Variants in IPPK observed in about 807,000 individuals in gnomAD.
IPPK encodes inositol-pentakisphosphate 2-kinase.
A neutral mutation model predicts 64.6 loss-of-function variants in IPPK; 22 were observed. The ratio of observed to expected loss-of-function variants is 0.34; its 90% confidence interval spans 0.24 to 0.49. IPPK has a LOEUF of 0.49. Ranked by LOEUF, IPPK falls within the 20% of genes least tolerant of loss-of-function variation. IPPK has a pLI of 0.99. For missense variants in IPPK, 532 were observed against 630.7 expected (o/e 0.84, Z 1.68); for synonymous variants, 262 against 247.2 (o/e 1.06, Z -0.56).
rs1365812910 is a variant in IPPK, at chr9:92,633,845, C to T, written c.1170+541G>A. 3.3e-5 allele frequency among the ~76,000 whole-genome samples: 5 copies of T among 152,208 alleles called. No individual in the cohort carries two copies. In the South Asian group the frequency reaches 8.3e-4, roughly 25 times the overall value. ...GGAAAGAAATGCTAAATTCCAGGTA[C>T]AGCTTAGTGAAAATGAAGATGCCAT... is the stretch of plus-strand genomic sequence containing the variant. On this transcript the variant is annotated intron_variant, in intron 11 of 12. Coordinates refer to ENST00000287996, the MANE Select transcript of IPPK (RefSeq NM_022755.6).
At chr9:92,637,853 G>A (rs1851970598) in intron 9 of IPPK, 148 bp downstream of exon 9, 2 of 751,738 alleles carry the variant, frequency 2.7e-6, no homozygotes, top group Non-Finnish European at 4.1e-6. Flanking sequence ...GAGGCAGCGA[G>A]GCCCCGTGCT....
rs1851928136 is a variant in IPPK at position 92,635,641 on chromosome 9, AAG to A, written c.917-335_917-334del. ...TTAGATTCCACCACAACAGCCCTGGAAGTCACTTTATGATCTAAGTTTAGACA... is the reference window on the plus strand; with the variant it reads ...TTAGATTCCACCACAACAGCCCTGGATCACTTTATGATCTAAGTTTAGACA... On this transcript the variant is annotated intron_variant, in intron 9 of 12. Transcript: ENST00000287996. This position sits in a 1 kb window ranked among gnomAD's most constrained non-coding sequence, Gnocchi z 4.4. Among the ~76,000 whole-genome samples the A allele has an allele frequency of 6.6e-6, 1 of 152,170 alleles. No homozygotes were observed. Among genetic ancestry groups the A allele is most frequent in the African/African-American group, 2.4e-5 (1 of 41,442 alleles).
At position 92,614,501 on chromosome 9, in the gene IPPK, TGA is replaced by T. The variant is rs945022811; in HGVS notation, c.*1329_*1330del. 3 of 152,644 alleles carry T rather than the reference TGA, an allele frequency of 2.0e-5. No homozygotes were observed. Among genetic ancestry groups the T allele is most frequent in the African/African-American group, 7.2e-5 (3 of 41,454 alleles). The allele number at this position is 152,644 out of a possible 1,614,324, so 9.5% of individuals were successfully genotyped here. ...TTAGATAAGTATCTTTTTGCACCTC[TGA>T]GAGTAGAATTAGAAGTAAATATGAC... is the stretch of plus-strand genomic sequence containing the variant. On this transcript the variant is annotated 3_prime_UTR_variant, in exon 13 of 13. Coordinates refer to ENST00000287996, the MANE Select transcript of IPPK (RefSeq NM_022755.6).
At chr9:92,636,239 C>G (rs190430018) in intron 9 of IPPK, among the ~76,000 whole-genome samples, 1 of 152,176 alleles carries the variant, frequency 6.6e-6, no homozygotes, top group Non-Finnish European at 1.5e-5. Context: ...GGACCCGGCA[C>G]GAAAATGCCA....
intron 1 of IPPK, among the ~76,000 whole-genome samples, chr9:92,666,895 A>G (rs940979349): frequency 3.3e-5 from 5 of 151,870 alleles, no homozygotes; most frequent in Admixed American, 1.3e-4. Context: ...CTCATTTCCT[A>G]CAAGTCCTGC....
intron 5 of IPPK, among the ~76,000 whole-genome samples, 196 bp downstream of exon 5, chr9:92,649,257 G>A (rs1027599802): frequency 5.3e-5 from 8 of 152,164 alleles, no homozygotes; most frequent in African/African-American, 1.7e-4. Flanking sequence ...CTAAACCTGG[G>A]ATCTGGGAGC....
At chr9:92,642,643 C>T in intron 7 of IPPK, 109 bp downstream of exon 7, 1 of 910,108 alleles carries the variant, frequency 1.1e-6, no homozygotes, top group African/African-American at 1.6e-5. Flanking sequence ...AGAACAGGGC[C>T]TTCCCTGCCT....
chr9:92,619,318 G>C (rs1851547618), intron 12 of IPPK, 168 bp downstream of exon 12: 2 of 594,530 alleles, frequency 3.4e-6, no homozygotes, highest in Admixed American at 5.4e-5. Flanking sequence ...CAAGCTTCTA[G>C]AGGGCGAGAG....
In IPPK at chr9:92,613,458, C is replaced by T; in HGVS notation, c.*2374G>A. 1 of 315,580 alleles carries T rather than the reference C, an allele frequency of 3.2e-6. No individual in the cohort carries two copies. The highest frequency in any genetic ancestry group is 3.0e-5 in the South Asian group (1 of 32,902). The allele number at this position is 315,580 out of a possible 1,614,324, so 19.5% of individuals were successfully genotyped here. On this transcript the variant is annotated 3_prime_UTR_variant, in exon 13 of 13. Transcript: ENST00000287996. The stretch of plus-strand genomic sequence containing the variant: ...AGGATCCATCCCCCACCCACTGCAG[C>T]CTCACACCGAGTCCACCTTGGACAT...
intron 6 of IPPK, among the ~76,000 whole-genome samples, chr9:92,644,898 T>C (rs1416105544): frequency 1.3e-5 from 2 of 151,968 alleles, no homozygotes; most frequent in Non-Finnish European, 2.9e-5. Flanking sequence ...ATTGCCCATA[T>C]ACAACAAAAA....
intron 2 of IPPK, among the ~76,000 whole-genome samples, chr9:92,656,921 T>C (rs1016647189): frequency 6.6e-6 from 1 of 152,226 alleles, no homozygotes; most frequent in African/African-American, 2.4e-5. Flanking sequence ...TTTTACTCTT[T>C]AGCCTCTAAA....
chr9:92,667,076 G>C (rs977947941), intron 1 of IPPK, among the ~76,000 whole-genome samples: 1 of 152,218 alleles, frequency 6.6e-6, no homozygotes, highest in Non-Finnish European at 1.5e-5. Flanking sequence ...TCATGGTAGA[G>C]GGGATGGGGG....
chr9:92,648,738 C>T (rs983261980), intron 5 of IPPK, among the ~76,000 whole-genome samples: 2 of 152,204 alleles, frequency 1.3e-5, no homozygotes, highest in Non-Finnish European at 2.9e-5. Flanking sequence ...GAGTGTGACC[C>T]AGAAATTGCT....
At chr9:92,655,212 T>C (rs2131456274) in intron 3 of IPPK, among the ~76,000 whole-genome samples, 1 of 152,276 alleles carries the variant, frequency 6.6e-6, no homozygotes, top group African/African-American at 2.4e-5. Context: ...TTTGCCTAAC[T>C]CACCGACACA....
chr9:92,665,339 CAGTAGGA>C (rs1352612117), intron 1 of IPPK, among the ~76,000 whole-genome samples: 1 of 152,246 alleles, frequency 6.6e-6, no homozygotes, highest in African/African-American at 2.4e-5. Flanking sequence ...TCAGCATCCA[CAGTAGGA>C]AGTATGGCCC....
chr9:92,628,707 C>G (rs898149912), intron 11 of IPPK, among the ~76,000 whole-genome samples: 9 of 152,224 alleles, frequency 5.9e-5, no homozygotes, highest in African/African-American at 2.2e-4. Context: ...AAAACCCTGT[C>G]TCTAGTAAAA....
intron 7 of IPPK, among the ~76,000 whole-genome samples, chr9:92,641,114 C>T (rs1261143114): frequency 2.6e-5 from 4 of 152,250 alleles, no homozygotes; most frequent in East Asian, 1.9e-4. Context: ...CAGCCCAACC[C>T]GAGACGGGTT....
intron 6 of IPPK, among the ~76,000 whole-genome samples, chr9:92,643,872 T>C (rs888177774): frequency 5.3e-5 from 8 of 152,232 alleles, no homozygotes; most frequent in African/African-American, 1.7e-4. Context: ...GATATGCAAA[T>C]ATATCTGACA....
At chr9:92,641,302 C>T (rs979101525) in intron 7 of IPPK, among the ~76,000 whole-genome samples, 1 of 152,148 alleles carries the variant, frequency 6.6e-6, no homozygotes, top group Non-Finnish European at 1.5e-5. Flanking sequence ...CTACCCCCAA[C>T]GGAGGAACCT....
Sources: gnomAD v4.1 joint callset for allele counts (sites outside exome capture counted in the v4.1 genomes callset) on GRCh38, gnomAD v4.1.1 for gene constraint, Gnocchi (gnomAD v3.1) non-coding constraint, MANE v1.5 for transcripts, NCBI Gene and HGNC (gene_info 2026-07-23, HGNC 2026-07-21) for gene names.